SLIT3: variants seen among roughly 807,000 people sequenced by gnomAD.
SLIT3 encodes slit homolog 3 protein.
SLIT3 carries 68 observed loss-of-function variants against 184.0 expected under a neutral mutation model. That is an observed-to-expected ratio of 0.37 (90% CI 0.30 to 0.45). The LOEUF (loss-of-function observed/expected upper bound fraction) is 0.45, where lower values mean the gene tolerates loss of function less well. SLIT3 is among the 20% of genes least tolerant of loss of function. The pLI is 1.00. For synonymous variants in SLIT3, 831 were observed against 828.6 expected (o/e 1.00, Z -0.05); for missense variants, 1,707 against 2,026.0 (o/e 0.84, Z 3.02).
intron 4 of SLIT3, among the ~76,000 whole-genome samples, chr5:168,997,789 G>C (rs1472350327): frequency 6.6e-6 from 1 of 152,176 alleles, no homozygotes; most frequent in East Asian, 1.9e-4. Context: ...CTATGACATG[G>C]GGATTCAAGT....
chr5:169,249,411 A>G (rs1765701418), intron 2 of SLIT3, among the ~76,000 whole-genome samples: 1 of 152,238 alleles, frequency 6.6e-6, no homozygotes, highest in Admixed American at 6.5e-5. Context: ...CATCCAGGGG[A>G]TATTAAAACA....
chr5:169,058,409 A>G (rs923679022), intron 4 of SLIT3, among the ~76,000 whole-genome samples: 2 of 152,192 alleles, frequency 1.3e-5, no homozygotes, highest in African/African-American at 4.8e-5. Flanking sequence ...GAAAGAAACT[A>G]GATCTGAAAG....
At chr5:169,296,434 G>A (rs114489491) in intron 1 of SLIT3, among the ~76,000 whole-genome samples, 3,741 of 152,254 alleles carry the variant, frequency 0.025, 77 homozygotes, top group Non-Finnish European at 0.039. Flanking sequence ...AGGCTATACC[G>A]GTCCACTGGA....
intron 1 of SLIT3, among the ~76,000 whole-genome samples, chr5:169,288,723 G>C (rs1767241945): frequency 6.6e-6 from 1 of 152,048 alleles, no homozygotes. Flanking sequence ...TACTGTCTTG[G>C]ACACTGTCAC....
chr5:169,242,780 G>T (rs1765446183), intron 3 of SLIT3, among the ~76,000 whole-genome samples: 1 of 152,136 alleles, frequency 6.6e-6, no homozygotes, highest in Admixed American at 6.5e-5. Context: ...AAATAATCAG[G>T]TTTCCTCTGC....
intron 4 of SLIT3, chr5:168,994,078 G>A (rs1305527518): frequency 6.6e-6 from 1 of 152,256 alleles, no homozygotes; most frequent in African/African-American, 2.4e-5. Context: ...GCTGTAGGAG[G>A]AGACGGTGGA....
intron 2 of SLIT3, among the ~76,000 whole-genome samples, chr5:169,244,993 G>A (rs1056401860): frequency 2.6e-5 from 4 of 152,156 alleles, no homozygotes; most frequent in Non-Finnish European, 5.9e-5. Context: ...CTGACAGATT[G>A]GTTTCCATGC....
chr5:168,816,069 T>C (rs1420984359), intron 8 of SLIT3, among the ~76,000 whole-genome samples: 1 of 152,204 alleles, frequency 6.6e-6, no homozygotes, highest in Admixed American at 6.5e-5. Context: ...TTTGTTTTTT[T>C]AGGAAGTCAA....
At chr5:168,976,226 A>C (rs1754752184) in intron 4 of SLIT3, among the ~76,000 whole-genome samples, 1 of 152,160 alleles carries the variant, frequency 6.6e-6, no homozygotes, top group Non-Finnish European at 1.5e-5. Context: ...AGGTTGTTCC[A>C]CTTGGGAGCT....
intron 4 of SLIT3, among the ~76,000 whole-genome samples, chr5:169,095,918 G>A (rs1581405152): frequency 6.6e-6 from 1 of 152,156 alleles, no homozygotes; most frequent in East Asian, 1.9e-4. Context: ...GTACATGAAT[G>A]CATTCTCCTG....
intron 7 of SLIT3, among the ~76,000 whole-genome samples, chr5:168,818,418 G>A (rs1319221446): frequency 2.6e-5 from 4 of 152,122 alleles, no homozygotes; most frequent in Non-Finnish European, 4.4e-5. Flanking sequence ...GATATCCAGG[G>A]GCTTCTAAGG....
rs557740432 is a variant in SLIT3 at position 169,128,274 on chromosome 5, T to A, written c.413+65205A>T. Among the ~76,000 whole-genome samples, 80 of 146,582 alleles carry A rather than the reference T, an allele frequency of 5.5e-4. No homozygotes were observed. In the South Asian group the frequency reaches 8.3e-3, roughly 15 times the overall value. On this transcript the variant is annotated intron_variant, in intron 4 of 35. Transcript: ENST00000519560. ...TTTATATATATATACATATATATAT[T>A]TATATATATATATATAATTTATATG...
Position 168,680,751 on chromosome 5 carries a change from C to T in SLIT3, c.3686+3215G>A, listed in dbSNP as rs575193023. ...CTTCCATGCAGGCTGATGGGGCCTCCTCCTCCCCAGGGCTTCCTCGCTGCT... is the reference window on the plus strand; with the variant it reads ...CTTCCATGCAGGCTGATGGGGCCTCTTCCTCCCCAGGGCTTCCTCGCTGCT... On this transcript the variant is annotated intron_variant, in intron 32 of 35. Transcript: ENST00000519560. 9.8e-5 allele frequency among the ~76,000 whole-genome samples: 15 copies of T among 152,354 alleles called. No homozygotes were observed. The South Asian group carries it at 2.9e-3, about 29-fold the overall frequency.
intron 4 of SLIT3, among the ~76,000 whole-genome samples, chr5:169,054,260 G>A (rs55674655): frequency 0.051 from 7,571 of 149,832 alleles, 240 homozygotes; most frequent in South Asian, 0.083. Flanking sequence ...AGATAGAAGC[G>A]GAGATTGGGA....
At chr5:168,895,996 C>G (rs1760647176) in intron 4 of SLIT3, among the ~76,000 whole-genome samples, 1 of 152,184 alleles carries the variant, frequency 6.6e-6, no homozygotes, top group African/African-American at 2.4e-5. Context: ...AGAATCAACT[C>G]CCCTGTCCCC....
chr5:168,930,556 G>A (rs1761956586), intron 4 of SLIT3, among the ~76,000 whole-genome samples: 1 of 152,054 alleles, frequency 6.6e-6, no homozygotes, highest in African/African-American at 2.4e-5. Flanking sequence ...TACTGTAGGT[G>A]GGGAGGCTCT....
chr5:169,079,578 A>AG (rs1286236165), intron 4 of SLIT3, among the ~76,000 whole-genome samples: 1 of 106,776 alleles, frequency 9.4e-6, no homozygotes, highest in Non-Finnish European at 1.9e-5. Context: ...AAGGAGGAGG[A>AG]GAGAAGGGGA....
intron 1 of SLIT3, among the ~76,000 whole-genome samples, chr5:169,269,799 T>C (rs899715287): frequency 1.3e-5 from 2 of 152,254 alleles, no homozygotes; most frequent in African/African-American, 4.8e-5. Flanking sequence ...ACAAACATCC[T>C]TTCATCATCC....
chr5:169,217,825 T>C (rs980372263), intron 3 of SLIT3, among the ~76,000 whole-genome samples: 5 of 152,062 alleles, frequency 3.3e-5, no homozygotes, highest in African/African-American at 1.2e-4. Context: ...TAAAAAAGGA[T>C]CATTGAGACA....
Sources: allele counts gnomAD v4.1 joint callset (sites outside exome capture counted in the v4.1 genomes callset), GRCh38; gene constraint gnomAD v4.1.1; transcripts MANE v1.5; gene names NCBI Gene and HGNC (gene_info 2026-07-23, HGNC 2026-07-21).